CNOT4: variants seen among roughly 807,000 people sequenced by gnomAD.
CNOT4 encodes CCR4-NOT transcription complex subunit 4, also known as CCR4-associated factor 4.
In CNOT4, 8 loss-of-function variants were observed where a neutral mutation model predicts 73.8. The observed-to-expected ratio is 0.11, with a 90% confidence interval of 0.06 to 0.20. The LOEUF (loss-of-function observed/expected upper bound fraction) is 0.20, where lower values mean the gene tolerates loss of function less well. Ranked by LOEUF, CNOT4 falls within the 10% of genes least tolerant of loss-of-function variation. The pLI is 1.00. For missense variants in CNOT4, 564 were observed against 883.4 expected, an observed-to-expected ratio of 0.64 and a Z score of 4.58; for synonymous variants, 293 against 321.1, an observed-to-expected ratio of 0.91 and a Z score of 0.94.
At chr7:135,439,134 G>C (rs925937027) in intron 1 of CNOT4, among the ~76,000 whole-genome samples, 27 of 152,088 alleles carry the variant, frequency 1.8e-4, no homozygotes, top group African/African-American at 6.5e-4. Flanking sequence ...AGATTATAGG[G>C]AGTTTTAAAT....
intron 10 of CNOT4, among the ~76,000 whole-genome samples, chr7:135,390,895 T>C (rs1796365306): frequency 6.6e-6 from 1 of 152,128 alleles, no homozygotes; most frequent in Non-Finnish European, 1.5e-5. Context: ...TAAAATATTG[T>C]CTAAGTATAT....
chr7:135,497,861 T>C (rs1383236875), intron 1 of CNOT4, among the ~76,000 whole-genome samples: 4 of 152,242 alleles, frequency 2.6e-5, no homozygotes, highest in African/African-American at 9.6e-5. Flanking sequence ...ACTGAAAATA[T>C]ATGTTTAGTA....
chr7:135,488,738 A>T (rs1802905599), intron 1 of CNOT4, among the ~76,000 whole-genome samples: 1 of 152,194 alleles, frequency 6.6e-6, no homozygotes, highest in African/African-American at 2.4e-5. Context: ...AAATTATGTT[A>T]TCATGGAGGA....
chr7:135,444,987 T>A, intron 1 of CNOT4: 1 of 753,342 alleles, frequency 1.3e-6, no homozygotes, highest in Non-Finnish European at 2.3e-6. Flanking sequence ...CCTCTGCTTG[T>A]CATGCCATTA....
intron 1 of CNOT4, among the ~76,000 whole-genome samples, chr7:135,443,051 C>T (rs908314555): frequency 6.6e-6 from 1 of 151,348 alleles, no homozygotes; most frequent in African/African-American, 2.4e-5. Flanking sequence ...AGAGTGAAAC[C>T]CTGTCTCAAC....
intron 1 of CNOT4, among the ~76,000 whole-genome samples, chr7:135,483,160 C>A (rs1802494080): frequency 6.7e-6 from 1 of 149,380 alleles, no homozygotes; most frequent in African/African-American, 2.5e-5. Flanking sequence ...CATAGTGGAA[C>A]CCCATCTCTA....
intron 1 of CNOT4, among the ~76,000 whole-genome samples, chr7:135,477,661 T>C (rs991751428): frequency 2.6e-5 from 4 of 152,234 alleles, no homozygotes; most frequent in South Asian, 2.1e-4. Flanking sequence ...ATGGCTGCAA[T>C]ACATTTCATC....
chr7:135,375,689 C>T (rs898173078), intron 10 of CNOT4, among the ~76,000 whole-genome samples: 9 of 152,100 alleles, frequency 5.9e-5, no homozygotes, highest in Non-Finnish European at 1.3e-4. Context: ...CTTTGGGAGG[C>T]CGAGGCGGGA....
chr7:135,440,532 C>G (rs1563051871), intron 1 of CNOT4, among the ~76,000 whole-genome samples: 1 of 152,246 alleles, frequency 6.6e-6, no homozygotes, highest in Admixed American at 6.5e-5. Context: ...CTCTTAACAA[C>G]TCCCTTATAC....
chr7:135,478,225 G>A (rs1802123789), intron 1 of CNOT4, among the ~76,000 whole-genome samples: 1 of 151,884 alleles, frequency 6.6e-6, no homozygotes, highest in Non-Finnish European at 1.5e-5. Flanking sequence ...CTCAACTAAG[G>A]TATCACTCTT....
chr7:135,386,427 C>T (rs1308077359), intron 10 of CNOT4: 1 of 152,040 alleles, frequency 6.6e-6, no homozygotes, highest in Non-Finnish European at 1.5e-5. Context: ...ACAAAAAAAA[C>T]CTGAAGCTTT....
intron 1 of CNOT4, among the ~76,000 whole-genome samples, chr7:135,440,480 C>T (rs1479090453): frequency 1.3e-5 from 2 of 152,014 alleles, no homozygotes; most frequent in Non-Finnish European, 2.9e-5. Context: ...ATTAGTATAG[C>T]CTGGATTCCT....
intron 7 of CNOT4, among the ~76,000 whole-genome samples, chr7:135,403,102 A>T (rs1193348431): frequency 6.6e-6 from 1 of 152,238 alleles, no homozygotes; most frequent in Non-Finnish European, 1.5e-5. Flanking sequence ...TATAAAATTT[A>T]CTTACATTTT....
chr7:135,490,515 A>T (rs190565479), intron 1 of CNOT4, among the ~76,000 whole-genome samples: 20 of 152,262 alleles, frequency 1.3e-4, no homozygotes, highest in African/African-American at 4.8e-4. Flanking sequence ...AATAGCAACC[A>T]ACTCAGGCCC....
chr7:135,382,287 C>T lies in CNOT4; in HGVS notation c.1627+11631G>A, dbSNP rs556738453. 7.1e-4 allele frequency among the ~76,000 whole-genome samples: 108 copies of T among 152,086 alleles called. 1 individual carries two copies. The highest frequency in any genetic ancestry group is 2.2e-3 in the African/African-American group (92 of 41,490). On this transcript the variant is annotated intron_variant, in intron 10 of 11. Transcript: ENST00000541284. ...TCAAGAGTGATTCTTTGGAAATAGC[C>T]CCTGACTAAGAAGTGGAAGGCTAGT...
intron 1 of CNOT4, among the ~76,000 whole-genome samples, chr7:135,439,180 A>C (rs934117645): frequency 1.3e-5 from 2 of 152,222 alleles, no homozygotes; most frequent in African/African-American, 2.4e-5. Context: ...CCACTGTTAG[A>C]TTAAAAGGTT....
intron 2 of CNOT4, among the ~76,000 whole-genome samples, chr7:135,432,902 T>C (rs1001896388): frequency 6.6e-6 from 1 of 152,230 alleles, no homozygotes; most frequent in Non-Finnish European, 1.5e-5. Context: ...TCGGATTCCT[T>C]GTCTTTTACA....
At chr7:135,444,017 G>A (rs1440121432) in intron 1 of CNOT4, among the ~76,000 whole-genome samples, 1 of 151,970 alleles carries the variant, frequency 6.6e-6, no homozygotes, top group African/African-American at 2.4e-5. Flanking sequence ...GTGCACACCT[G>A]TAGTCTTAGC....
intron 1 of CNOT4, among the ~76,000 whole-genome samples, chr7:135,492,724 G>A (rs1232492542): frequency 3.3e-5 from 5 of 152,282 alleles, no homozygotes; most frequent in African/African-American, 1.2e-4. Flanking sequence ...TTGGGGCCAG[G>A]AGTTTCAGAC....
Sources: gnomAD v4.1 joint callset for allele counts (sites outside exome capture counted in the v4.1 genomes callset) on GRCh38, gnomAD v4.1.1 for gene constraint, MANE v1.5 for transcripts, NCBI Gene and HGNC (gene_info 2026-07-23, HGNC 2026-07-21) for gene names.